The following PLA2G4A variants were observed in gnomAD, a reference collection of about 807,000 sequenced individuals.
The protein encoded by PLA2G4A is phospholipase A2 group IVA.
A neutral mutation model predicts 81.9 loss-of-function variants in PLA2G4A; 40 were observed. That is an observed-to-expected ratio of 0.49 (90% CI 0.38 to 0.64). PLA2G4A has a LOEUF of 0.64. Ranked by LOEUF, PLA2G4A falls within the 30% of genes least tolerant of loss-of-function variation. The pLI is 0.00. For synonymous variants in PLA2G4A, 302 were observed against 296.9 expected (o/e 1.02, Z -0.18); for missense variants, 715 against 905.1 (o/e 0.79, Z 2.69).
intron 3 of PLA2G4A, among the ~76,000 whole-genome samples, chr1:186,885,750 A>G (rs890959876): frequency 6.6e-6 from 1 of 152,178 alleles, no homozygotes; most frequent in Non-Finnish European, 1.5e-5. Context: ...TTAAACTGAA[A>G]AACACAAGAA....
chr1:186,837,014 A>G (rs1448256802), intron 1 of PLA2G4A, among the ~76,000 whole-genome samples: 1 of 152,190 alleles, frequency 6.6e-6, no homozygotes, highest in Non-Finnish European at 1.5e-5. Flanking sequence ...AGTTCCAGGC[A>G]GAGAGTGGCA....
intron 1 of PLA2G4A, 32 bp from the exon 2 acceptor site, chr1:186,854,254 A>G: frequency 2.6e-6 from 2 of 763,906 alleles, no homozygotes; most frequent in Non-Finnish European, 4.7e-6. Context: ...ATCCAAGAGG[A>G]AGCTTAACAA....
At chr1:186,877,217 G>C (rs1364656341) in intron 3 of PLA2G4A, among the ~76,000 whole-genome samples, 2 of 151,962 alleles carry the variant, frequency 1.3e-5, no homozygotes, top group African/African-American at 2.4e-5. Flanking sequence ...CTGTGTCCTT[G>C]GGCAGATTAC....
chr1:186,896,180 T>C (rs938933962), intron 5 of PLA2G4A, among the ~76,000 whole-genome samples: 2 of 152,198 alleles, frequency 1.3e-5, no homozygotes, highest in Non-Finnish European at 2.9e-5. Context: ...ATATCGATAC[T>C]ATACACATAT....
intron 2 of PLA2G4A, among the ~76,000 whole-genome samples, chr1:186,869,762 C>G (rs1653181371): frequency 6.6e-6 from 1 of 152,176 alleles, no homozygotes; most frequent in Non-Finnish European, 1.5e-5. Flanking sequence ...GCTCCAAGAA[C>G]TATGTGAGTT....
intron 5 of PLA2G4A, among the ~76,000 whole-genome samples, chr1:186,898,515 A>G (rs1338047553): frequency 6.6e-6 from 1 of 152,244 alleles, no homozygotes; most frequent in African/African-American, 2.4e-5. Context: ...TGAGCAAAAG[A>G]ATGATCAACA....
chr1:186,946,740 GA>G lies in PLA2G4A; in HGVS notation c.1139del (p.Lys380SerfsTer10). 6.2e-7 allele frequency: 1 copy of G among 1,612,256 alleles called. No homozygotes were observed. Among genetic ancestry groups the G allele is most frequent in the South Asian group, 1.1e-5 (1 of 91,050 alleles). ...AATTTTTTATGGGAACAGTCGTTAA[GA>G]AGTATGAAGAAAACCCCTTGCATTT... Reference protein sequence around the residue: ...SKFFMGTVVKKYEENPLHFLM... With the variant: ...SKFFMGTVVKXYEENPLHFLM... On this transcript the variant is annotated frameshift_variant, in exon 11 of 18. Transcript: ENST00000367466. LOFTEE classifies it high-confidence loss of function.
intron 15 of PLA2G4A, among the ~76,000 whole-genome samples, chr1:186,973,379 T>G (rs1344459296): frequency 6.6e-6 from 1 of 152,150 alleles, no homozygotes; most frequent in Non-Finnish European, 1.5e-5. Context: ...ATAAGAATAA[T>G]TGTCATTGAA....
chr1:186,985,045 C>G (rs1657849691), intron 17 of PLA2G4A, among the ~76,000 whole-genome samples: 1 of 152,170 alleles, frequency 6.6e-6, no homozygotes, highest in South Asian at 2.1e-4. Flanking sequence ...CCACCTGTCT[C>G]TCAAGCAGCC....
At chr1:186,871,978 T>G (rs2223306) in intron 3 of PLA2G4A, among the ~76,000 whole-genome samples, 1 of 152,008 alleles carries the variant, frequency 6.6e-6, no homozygotes, top group Non-Finnish European at 1.5e-5. Flanking sequence ...AAGGCTCATA[T>G]CATCAGTGAA....
At position 186,829,239 on chromosome 1, in the gene PLA2G4A, G is replaced by T. The variant is rs538273661; in HGVS notation, c.-70+204G>T. Among the ~76,000 whole-genome samples, 3 of 152,306 alleles carry T rather than the reference G, an allele frequency of 2.0e-5. No individual in the cohort carries two copies. The South Asian group carries it at 6.2e-4, about 32-fold the overall frequency. ...CCTCAATTTTCTTCAAACCCACGCA[G>T]ATTTGCCTTCCTGGATCTAAATGCA... On this transcript the variant is annotated intron_variant, in intron 1 of 17. Transcript: ENST00000367466.
chr1:186,928,370 C>T (rs946246483), intron 7 of PLA2G4A, among the ~76,000 whole-genome samples: 10 of 152,154 alleles, frequency 6.6e-5, no homozygotes, highest in Non-Finnish European at 1.5e-4. Context: ...TTTGAATAAG[C>T]AGATTATCCT....
intron 5 of PLA2G4A, among the ~76,000 whole-genome samples, chr1:186,897,080 C>A (rs1654358826): frequency 6.6e-6 from 1 of 152,184 alleles, no homozygotes; most frequent in Non-Finnish European, 1.5e-5. Flanking sequence ...TATGGCAACA[C>A]AGTGGAGGAA....
chr1:186,923,218 GTTGT>G (rs1280433044), intron 7 of PLA2G4A, among the ~76,000 whole-genome samples: 8 of 152,116 alleles, frequency 5.3e-5, no homozygotes, highest in African/African-American at 9.7e-5. Context: ...AGAACTTGTG[GTTGT>G]TTATCATGTC....
intron 3 of PLA2G4A, among the ~76,000 whole-genome samples, chr1:186,884,157 G>A (rs970997114): frequency 1.1e-4 from 16 of 152,012 alleles, no homozygotes; most frequent in Admixed American, 2.0e-4. Flanking sequence ...GATAATAGAG[G>A]AAGAACTTAA....
At chr1:186,945,645 A>G (rs1656313293) in intron 10 of PLA2G4A, among the ~76,000 whole-genome samples, 1 of 152,116 alleles carries the variant, frequency 6.6e-6, no homozygotes, top group African/African-American at 2.4e-5. Context: ...GCTATAAGGG[A>G]AAAGAGAACC....
intron 7 of PLA2G4A, among the ~76,000 whole-genome samples, chr1:186,919,359 C>G (rs866206972): frequency 7.9e-5 from 12 of 152,176 alleles, no homozygotes; most frequent in African/African-American, 2.7e-4. Flanking sequence ...CTCCCCTTTC[C>G]GAATAGTGAA....
At chr1:186,948,516 G>GAA (rs34068761) in intron 12 of PLA2G4A, among the ~76,000 whole-genome samples, 3 of 138,544 alleles carry the variant, frequency 2.2e-5, no homozygotes, top group African/African-American at 8.2e-5. Flanking sequence ...GAAGATTTTA[G>GAA]AAAAAAAAAA....
chr1:186,844,089 G>C (rs1309218817), intron 1 of PLA2G4A, among the ~76,000 whole-genome samples: 1 of 152,138 alleles, frequency 6.6e-6, no homozygotes, highest in Non-Finnish European at 1.5e-5. Flanking sequence ...CATACCATTG[G>C]GTTCCAGGCT....
Sources: gnomAD v4.1 joint callset for allele counts (sites outside exome capture counted in the v4.1 genomes callset) on GRCh38, gnomAD v4.1.1 for gene constraint, MANE v1.5 for transcripts, NCBI Gene and HGNC (gene_info 2026-07-23, HGNC 2026-07-21) for gene names.